The following LEKR1 variants were observed in gnomAD, a reference collection of about 807,000 sequenced individuals.
The protein encoded by LEKR1 is protein LEKR1.
Under a neutral mutation model 72.4 loss-of-function variants are expected in LEKR1, and 59 were observed. The observed-to-expected ratio is 0.82, with a 90% CI of 0.66 to 1.01. LEKR1 has a LOEUF of 1.01. LEKR1 is among the 50% of genes least tolerant of loss of function. LEKR1 has a pLI of 0.00. For synonymous variants in LEKR1, 257 were observed against 263.2 expected (o/e 0.98, Z 0.23); for missense variants, 728 against 759.2 (o/e 0.96, Z 0.48).
At chr3:156,899,331 TACATATATAC>T (rs1316814442) in intron 3 of LEKR1, among the ~76,000 whole-genome samples, 2 of 132,406 alleles carry the variant, frequency 1.5e-5, no homozygotes, top group Non-Finnish European at 3.3e-5. Flanking sequence ...TATACATATA[TACATATATAC>T]ACATATATAC....
Position 157,000,343 on chromosome 3 carries a change from A to T in LEKR1, c.1109+7066A>T, listed in dbSNP as rs148806092. On this transcript the variant is annotated intron_variant, in intron 9 of 12. Coordinates refer to ENST00000356539, the MANE Select transcript of LEKR1 (RefSeq NM_001004316.3). ...ATTTTCATAAATTCTAGAAGCAATG[A>T]CTAGTGATTAGCTATATCTAGTATT... Among the ~76,000 whole-genome samples, 863 of 152,290 alleles carry T rather than the reference A, an allele frequency of 5.7e-3. 4 individuals carry two copies. The highest frequency in any genetic ancestry group is 0.02 in the African/African-American group (812 of 41,566).
rs575492960 is a variant in LEKR1, at chr3:156,871,177, A to G, written c.263+18195A>G. On this transcript the variant is annotated intron_variant, in intron 3 of 12. Transcript: ENST00000356539. ...TGTGTCCATGTGTTCTCATTGTTCA[A>G]TTCCCATCTATGAGTGAGAATATGC... Among the ~76,000 whole-genome samples, 4 of 151,942 alleles carry G rather than the reference A, an allele frequency of 2.6e-5. No individual in the cohort carries two copies. In the South Asian group the frequency reaches 8.3e-4, roughly 32 times the overall value.
Position 156,852,923 on chromosome 3 carries a change from G to A in LEKR1, c.204G>A (p.Leu68=), listed in dbSNP as rs1034317899. 19 of 1,488,222 alleles carry A rather than the reference G, an allele frequency of 1.3e-5. No individual in the cohort carries two copies. The African/African-American group carries it at 2.7e-4, about 21-fold the overall frequency. 92.2% of individuals were successfully genotyped at this position (1,488,222 alleles called of 1,614,324 possible). ...VDREKRLQEK[L]HSLSQELEQY... ...GTGAAAAGAGACTTCAAGAAAAGCTGCATTCTCTTAGCCAAGAACTTGAAC... is the reference window on the plus strand; with the variant it reads ...GTGAAAAGAGACTTCAAGAAAAGCTACATTCTCTTAGCCAAGAACTTGAAC... The change falls in exon 3 of 13, where the codon CTG becomes CTA. Residue 68 remains leucine (L), a synonymous_variant. Transcript: ENST00000356539.
In LEKR1 at chr3:157,042,701, G is replaced by A. The variant is rs535227836; in HGVS notation, c.1669-2639G>A. ...TGAATTTATTTTTCTTTTAAGAAGA[G>A]CTCTTGTCATCACATCCTCCATCAC... is the stretch of plus-strand genomic sequence containing the variant. On this transcript the variant is annotated intron_variant, in intron 12 of 12. Coordinates refer to ENST00000356539, the MANE Select transcript of LEKR1 (RefSeq NM_001004316.3). Among the ~76,000 whole-genome samples the A allele has an allele frequency of 2.6e-5, 4 of 152,258 alleles. No homozygotes were observed. The South Asian group carries it at 8.3e-4, about 32-fold the overall frequency.
chr3:156,909,100 T>G (rs911767391), intron 3 of LEKR1, among the ~76,000 whole-genome samples: 1 of 152,204 alleles, frequency 6.6e-6, no homozygotes, highest in Non-Finnish European at 1.5e-5. Flanking sequence ...ATTCTCTCGT[T>G]GCCGGCCACC....
chr3:156,896,869 A>G (rs1428235374), intron 3 of LEKR1, among the ~76,000 whole-genome samples: 1 of 152,218 alleles, frequency 6.6e-6, no homozygotes, highest in Non-Finnish European at 1.5e-5. Flanking sequence ...ACACAGCCAT[A>G]AAAAAGAACA....
rs2046271 is a variant in LEKR1, at chr3:157,013,951, A to G, written c.1203+2445A>G. Among the ~76,000 whole-genome samples, 24 of 152,258 alleles carry G rather than the reference A, an allele frequency of 1.6e-4. No homozygotes were observed. The South Asian group carries it at 3.9e-3, about 25-fold the overall frequency. On this transcript the variant is annotated intron_variant, in intron 10 of 12. Coordinates refer to ENST00000356539, the MANE Select transcript of LEKR1 (RefSeq NM_001004316.3). ...AATTATTTTAGAGTATGTAAAAAGC[A>G]CACAATAAGATCAATAGTTGCTATG...
chr3:156,871,418 C>T (rs983397720), intron 3 of LEKR1, among the ~76,000 whole-genome samples: 1 of 152,144 alleles, frequency 6.6e-6, no homozygotes, highest in African/African-American at 2.4e-5. Context: ...AATAAACATA[C>T]GCGTGCATGT....
intron 12 of LEKR1, among the ~76,000 whole-genome samples, chr3:157,029,380 A>G (rs539909216): frequency 6.6e-6 from 1 of 152,268 alleles, no homozygotes; most frequent in South Asian, 2.1e-4. Flanking sequence ...GAAATTATTT[A>G]CATGTTACAA....
At chr3:156,909,566 G>A (rs1045308123) in intron 3 of LEKR1, among the ~76,000 whole-genome samples, 27 of 149,462 alleles carry the variant, frequency 1.8e-4, no homozygotes, top group African/African-American at 5.9e-4. Flanking sequence ...CAGGAGAATC[G>A]TTTGAACCCG....
chr3:156,979,364 TA>T, intron 7 of LEKR1, 89 bp downstream of exon 7: 1 of 551,182 alleles, frequency 1.8e-6, no homozygotes. Context: ...ACAAGAATTA[TA>T]AAGACCCTGG....
intron 11 of LEKR1, among the ~76,000 whole-genome samples, chr3:157,026,653 AC>A (rs889635213): frequency 6.6e-6 from 1 of 152,218 alleles, no homozygotes; most frequent in African/African-American, 2.4e-5. Flanking sequence ...AACATTTGAA[AC>A]AAATTTTGGA....
chr3:156,858,292 T>C (rs988564682), intron 3 of LEKR1, among the ~76,000 whole-genome samples: 3 of 152,170 alleles, frequency 2.0e-5, no homozygotes, highest in African/African-American at 7.2e-5. Context: ...CTTTTTTTCC[T>C]AGGAAAATAA....
chr3:156,950,994 T>A (rs1727105783), intron 6 of LEKR1, among the ~76,000 whole-genome samples: 1 of 151,608 alleles, frequency 6.6e-6, no homozygotes, highest in African/African-American at 2.4e-5. Flanking sequence ...ATGATGTTGG[T>A]TTTGGGTTTG....
intron 6 of LEKR1, among the ~76,000 whole-genome samples, chr3:156,955,461 G>T (rs775466604): frequency 6.6e-6 from 1 of 151,974 alleles, no homozygotes; most frequent in East Asian, 1.9e-4. Context: ...TGCACATTCA[G>T]TATGATATTG....
chr3:156,993,176 AGAC>A lies in LEKR1; in HGVS notation c.1009_1011del (p.Asp337del). The A allele has an allele frequency of 6.2e-7, 1 of 1,611,998 alleles. No homozygotes were observed. ...TGACTGTGAAAGAAAAGCAAGAAGAAGACATAAAGAGAAGAATTAACCTTGCAG... is the reference window on the plus strand; with the variant it reads ...TGACTGTGAAAGAAAAGCAAGAAGAAATAAAGAGAAGAATTAACCTTGCAG... On this transcript the variant is annotated inframe_deletion, in exon 9 of 13. Transcript: ENST00000356539.
At chr3:156,875,890 G>A (rs920147712) in intron 3 of LEKR1, among the ~76,000 whole-genome samples, 2 of 151,386 alleles carry the variant, frequency 1.3e-5, no homozygotes, top group Admixed American at 6.6e-5. Flanking sequence ...AGCTACTCGG[G>A]AGGCTGAGGC....
At chr3:156,889,097 G>C (rs1720397603) in intron 3 of LEKR1, among the ~76,000 whole-genome samples, 1 of 151,880 alleles carries the variant, frequency 6.6e-6, no homozygotes, top group East Asian at 1.9e-4. Flanking sequence ...GAAAAAAGTT[G>C]GTTACTGAAG....
At chr3:156,991,528 A>G (rs1731143954) in intron 7 of LEKR1, among the ~76,000 whole-genome samples, 1 of 152,130 alleles carries the variant, frequency 6.6e-6, no homozygotes, top group African/African-American at 2.4e-5. Flanking sequence ...TCAGATTATG[A>G]CTTAACGAGT....
Sources: allele counts gnomAD v4.1 joint callset (sites outside exome capture counted in the v4.1 genomes callset), GRCh38; gene constraint gnomAD v4.1.1; transcripts MANE v1.5; gene names NCBI Gene and HGNC (gene_info 2026-07-23, HGNC 2026-07-21).